SAMD4A: variants seen among roughly 807,000 people sequenced by gnomAD.
The protein encoded by SAMD4A is sterile alpha motif domain containing 4A.
Under a neutral mutation model 81.3 loss-of-function variants are expected in SAMD4A, and 33 were observed. The ratio of observed to expected loss-of-function variants is 0.41; its 90% CI spans 0.31 to 0.54. SAMD4A has a LOEUF of 0.54. SAMD4A is among the 20% of genes least tolerant of loss of function. The pLI, the probability that SAMD4A is intolerant of heterozygous loss-of-function variation, is 0.37. For missense variants in SAMD4A, 854 were observed against 951.1 expected, an observed-to-expected ratio of 0.90 and a Z score of 1.34; for synonymous variants, 389 against 382.1, an observed-to-expected ratio of 1.02 and a Z score of -0.21.
At position 54,567,904 on chromosome 14, in the gene SAMD4A, C is replaced by CG. The variant is rs1176183886; in HGVS notation, c.-11dup. On this transcript the variant is annotated 5_prime_UTR_variant, in exon 2 of 13. Coordinates refer to ENST00000554335, the MANE Select transcript of SAMD4A (RefSeq NM_015589.6). Reference sequence around the variant, plus strand: ...CCCAGGGGGCTCTGTAGACCGAGGGCGGCCCCCTAACCATGATGTTTCGCG... The same window carrying CG: ...CCCAGGGGGCTCTGTAGACCGAGGGCGGGCCCCCTAACCATGATGTTTCGCG... 1.9e-6 allele frequency: 3 copies of CG among 1,601,470 alleles called. No individual in the cohort carries two copies. Among genetic ancestry groups the CG allele is most frequent in the Non-Finnish European group, 2.5e-6 (3 of 1,177,830 alleles).
chr14:54,726,448 G>A lies in SAMD4A; in HGVS notation c.716-10576G>A, dbSNP rs2037417735. The stretch of plus-strand genomic sequence containing the variant: ...TTGCATGGGAATCCAAAGCAAATAA[G>A]ATAATCATTGATGGGAAAAGTGAGG... On this transcript the variant is annotated intron_variant, in intron 3 of 12. Transcript: ENST00000554335. Among the ~76,000 whole-genome samples the A allele has an allele frequency of 2.6e-5, 4 of 152,146 alleles. No individual in the cohort carries two copies. The South Asian group carries it at 8.3e-4, about 32-fold the overall frequency.
intron 2 of SAMD4A, among the ~76,000 whole-genome samples, chr14:54,582,351 T>C (rs1479116155): frequency 6.6e-6 from 1 of 152,194 alleles, no homozygotes; most frequent in Non-Finnish European, 1.5e-5. Context: ...GGTATTTTGT[T>C]GAACTTCACA....
intron 9 of SAMD4A, among the ~76,000 whole-genome samples, chr14:54,771,178 T>C (rs769524362): frequency 5.3e-5 from 8 of 151,134 alleles, no homozygotes; most frequent in Non-Finnish European, 1.2e-4. Flanking sequence ...CATGAAAGAT[T>C]AATTTTAACA....
intron 2 of SAMD4A, among the ~76,000 whole-genome samples, chr14:54,602,374 A>G (rs184572964): frequency 1.8e-4 from 26 of 143,608 alleles, no homozygotes; most frequent in Admixed American, 7.7e-4. Context: ...ACACACACAC[A>G]CGAAACACCA....
intron 2 of SAMD4A, among the ~76,000 whole-genome samples, chr14:54,700,009 C>T (rs1319611826): frequency 6.6e-6 from 1 of 152,144 alleles, no homozygotes; most frequent in African/African-American, 2.4e-5. Flanking sequence ...CACAGTAAAC[C>T]CATTTTCTTT....
At chr14:54,768,253 G>C (rs1257584792) in intron 8 of SAMD4A, among the ~76,000 whole-genome samples, 1 of 152,190 alleles carries the variant, frequency 6.6e-6, no homozygotes, top group Non-Finnish European at 1.5e-5. Flanking sequence ...CAAACGGCCG[G>C]TCTGTGCAGT....
At chr14:54,699,048 A>C (rs993113141) in intron 2 of SAMD4A, among the ~76,000 whole-genome samples, 2 of 151,902 alleles carry the variant, frequency 1.3e-5, no homozygotes. Context: ...AGTCATTCCT[A>C]ATTTTTATCT....
At chr14:54,769,446 G>C (rs906773938) in intron 8 of SAMD4A, among the ~76,000 whole-genome samples, 1 of 152,192 alleles carries the variant, frequency 6.6e-6, no homozygotes, top group African/African-American at 2.4e-5. Flanking sequence ...GTAAGAGTTT[G>C]TTACAAGGCA....
chr14:54,677,139 G>A (rs1352997365), intron 2 of SAMD4A, among the ~76,000 whole-genome samples: 2 of 152,220 alleles, frequency 1.3e-5, no homozygotes, highest in Admixed American at 6.5e-5. Context: ...AGGAGAAGGT[G>A]TTTGGAAGTG....
Position 54,789,153 on chromosome 14 carries a change from T to G in SAMD4A, c.*209T>G. 1 of 586,738 alleles carries G rather than the reference T, an allele frequency of 1.7e-6. No homozygotes were observed. Among genetic ancestry groups the G allele is most frequent in the East Asian group, 3.1e-5 (1 of 32,366 alleles). 36.3% of individuals were successfully genotyped at this position (586,738 alleles called of 1,614,324 possible). A position where few individuals can be genotyped will look rare whatever the true frequency, so the allele number is the denominator to read the frequency against. On this transcript the variant is annotated 3_prime_UTR_variant, in exon 13 of 13. Transcript: ENST00000554335. ...GGTTGGTTATTTTGTCATTTGTTTC[T>G]GTCATGGGATGGTTTGGTGTGTGGG... is the stretch of plus-strand genomic sequence containing the variant.
intron 3 of SAMD4A, among the ~76,000 whole-genome samples, chr14:54,718,804 G>A (rs1235805021): frequency 6.6e-6 from 1 of 151,980 alleles, no homozygotes; most frequent in African/African-American, 2.4e-5. Flanking sequence ...AGGGGTTTGA[G>A]ACCAGCCTGG....
chr14:54,776,490 C>T lies in SAMD4A; in HGVS notation c.1994C>T (p.Ser665Leu). The part of the protein sequence containing the change: ...RTHSSVQRTR[S>L]LPVHTSPQNM... ...CACAGCTCAGTCCAGAGGACCCGCTCGCTGCCCGTGCACACTTCCCCACAG... is the reference window on the plus strand; with the variant it reads ...CACAGCTCAGTCCAGAGGACCCGCTTGCTGCCCGTGCACACTTCCCCACAG... The change falls in exon 11 of 13, where the codon TCG becomes TTG. Residue 665 changes from serine to leucine, a missense_variant. By Grantham distance (145) the Ser-to-Leu change is moderately radical. Transcript: ENST00000554335. The T allele has an allele frequency of 3.1e-6, 5 of 1,596,182 alleles. No homozygotes were observed. Among genetic ancestry groups the T allele is most frequent in the Non-Finnish European group, 4.3e-6 (5 of 1,172,114 alleles).
intron 2 of SAMD4A, among the ~76,000 whole-genome samples, chr14:54,617,814 G>T (rs1433446395): frequency 2.0e-5 from 3 of 152,124 alleles, no homozygotes; most frequent in African/African-American, 7.2e-5. Flanking sequence ...ACCATGCCTA[G>T]CTTGTGAATT....
At chr14:54,649,029 G>C (rs1342690385) in intron 2 of SAMD4A, among the ~76,000 whole-genome samples, 1 of 152,124 alleles carries the variant, frequency 6.6e-6, no homozygotes, top group Non-Finnish European at 1.5e-5. Flanking sequence ...AGAAAGAGGG[G>C]AGTTGAGGAT....
At chr14:54,701,829 G>A (rs1030986029) in intron 2 of SAMD4A, among the ~76,000 whole-genome samples, 15 of 152,342 alleles carry the variant, frequency 9.8e-5, no homozygotes, top group African/African-American at 3.4e-4. Context: ...AAACACGAAT[G>A]AGAATTTGAT....
chr14:54,697,576 C>T lies in SAMD4A; in HGVS notation c.197-4486C>T, dbSNP rs185883948. Among the ~76,000 whole-genome samples the T allele has an allele frequency of 8.5e-5, 13 of 152,224 alleles. No individual in the cohort carries two copies. The East Asian group carries it at 1.3e-3, about 16-fold the overall frequency. On this transcript the variant is annotated intron_variant, in intron 2 of 12. Transcript: ENST00000554335. ...GAGGAAGGGAAATGTTTAGTGGCAA[C>T]GGGAACTTCATGGGTCCATGCCAGA...
At chr14:54,737,367 T>C in intron 4 of SAMD4A, 80 bp downstream of exon 4, 2 of 1,545,886 alleles carry the variant, frequency 1.3e-6, no homozygotes, top group South Asian at 1.2e-5. Context: ...AGAGAGGTAG[T>C]CAGCAAGAGA....
At position 54,567,858 on chromosome 14, in the gene SAMD4A, C is replaced by T. The variant is rs1164508593; in HGVS notation, c.-59C>T. On this transcript the variant is annotated 5_prime_UTR_variant, in exon 2 of 13. Coordinates refer to ENST00000554335, the MANE Select transcript of SAMD4A (RefSeq NM_015589.6). Reference sequence around the variant, plus strand: ...GCTGCGGCTCCGCCAAACTTTGGGGCGGGCGGGGCGGGCTGGGGCGCCCAG... The same window carrying T: ...GCTGCGGCTCCGCCAAACTTTGGGGTGGGCGGGGCGGGCTGGGGCGCCCAG... The T allele has an allele frequency of 1.9e-5, 24 of 1,267,262 alleles. No individual in the cohort carries two copies. Among genetic ancestry groups the T allele is most frequent in the Non-Finnish European group, 2.3e-5 (23 of 992,622 alleles). 78.5% of individuals were successfully genotyped at this position (1,267,262 alleles called of 1,614,324 possible). A position where few individuals can be genotyped will look rare whatever the true frequency, so the allele number is the denominator to read the frequency against.
chr14:54,685,519 G>A (rs2036243881), intron 2 of SAMD4A: 1 of 358,420 alleles, frequency 2.8e-6, no homozygotes, highest in Non-Finnish European at 5.5e-6. Context: ...GGACATTTGG[G>A]TTGCTTCCAC....
Sources: gnomAD v4.1 joint callset for allele counts (sites outside exome capture counted in the v4.1 genomes callset) on GRCh38, gnomAD v4.1.1 for gene constraint, MANE v1.5 for transcripts, NCBI Gene and HGNC (gene_info 2026-07-23, HGNC 2026-07-21) for gene names.